The following ADAMTSL1 variants were observed in gnomAD, a reference collection of about 807,000 sequenced individuals.
ADAMTSL1 encodes the protein ADAMTS-like protein 1.
A neutral mutation model predicts 201.8 loss-of-function variants in ADAMTSL1; 126 were observed. The observed-to-expected ratio is 0.62, with a 90% CI of 0.54 to 0.72. The LOEUF (loss-of-function observed/expected upper bound fraction) is 0.72. Ranked by LOEUF, ADAMTSL1 falls within the 30% of genes least tolerant of loss-of-function variation. The probability of loss-of-function intolerance (pLI) is 0.00; values close to 1 mark genes in which losing one functional copy is unlikely to be tolerated. For synonymous variants in ADAMTSL1, 1,121 were observed against 903.4 expected (o/e 1.24, Z -4.32); for missense variants, 2,679 against 2,277.8 (o/e 1.18, Z -3.59).
intron 1 of ADAMTSL1, among the ~76,000 whole-genome samples, chr9:18,107,909 C>T (rs1346791299): frequency 6.6e-6 from 1 of 152,118 alleles, no homozygotes; most frequent in Non-Finnish European, 1.5e-5. Context: ...GTGCTGAGCC[C>T]TCCAGCACAG....
At chr9:18,285,579 T>G (rs906242366) in intron 2 of ADAMTSL1, among the ~76,000 whole-genome samples, 1 of 152,134 alleles carries the variant, frequency 6.6e-6, no homozygotes, top group African/African-American at 2.4e-5. Context: ...TACTTTCATT[T>G]CAAAATTTTC....
At chr9:18,732,669 T>G (rs1818280400) in intron 15 of ADAMTSL1, among the ~76,000 whole-genome samples, 1 of 151,770 alleles carries the variant, frequency 6.6e-6, no homozygotes, top group African/African-American at 2.4e-5. Flanking sequence ...TCCTCTAATG[T>G]TTGTGGGAGG....
At chr9:17,907,409 G>C (rs955273421) in intron 1 of ADAMTSL1, among the ~76,000 whole-genome samples, 5 of 152,176 alleles carry the variant, frequency 3.3e-5, no homozygotes, top group African/African-American at 1.2e-4. Context: ...TCACCCTAGG[G>C]CCGCCCGCAG....
intron 4 of ADAMTSL1, among the ~76,000 whole-genome samples, chr9:18,598,637 C>A (rs1423237062): frequency 6.6e-6 from 1 of 152,036 alleles, no homozygotes; most frequent in Non-Finnish European, 1.5e-5. Context: ...AAGTGGGAAA[C>A]TTCACCAACA....
intron 21 of ADAMTSL1, among the ~76,000 whole-genome samples, chr9:18,825,612 C>T (rs968233044): frequency 6.6e-6 from 1 of 152,062 alleles, no homozygotes; most frequent in Non-Finnish European, 1.5e-5. Flanking sequence ...CAGAAAAGTA[C>T]ATGTATCATA....
chr9:18,602,461 A>G (rs1448462942), intron 4 of ADAMTSL1, among the ~76,000 whole-genome samples: 1 of 152,242 alleles, frequency 6.6e-6, no homozygotes, highest in Non-Finnish European at 1.5e-5. Flanking sequence ...TGTCTTGCAC[A>G]GTACCAGCAC....
intron 1 of ADAMTSL1, among the ~76,000 whole-genome samples, chr9:17,921,082 C>A (rs528712109): frequency 6.6e-6 from 1 of 152,232 alleles, no homozygotes; most frequent in African/African-American, 2.4e-5. Context: ...TATGTGTTTG[C>A]TTTTTGTAAA....
At chr9:18,710,445 T>C (rs1200158826) in intron 14 of ADAMTSL1, among the ~76,000 whole-genome samples, 1 of 152,158 alleles carries the variant, frequency 6.6e-6, no homozygotes, top group Non-Finnish European at 1.5e-5. Flanking sequence ...TAGAGCCTTG[T>C]TTTAGAATAC....
chr9:18,300,280 C>T (rs1037788181), intron 2 of ADAMTSL1, among the ~76,000 whole-genome samples: 4 of 152,066 alleles, frequency 2.6e-5, no homozygotes, highest in Non-Finnish European at 4.4e-5. Flanking sequence ...ACTATGGAGC[C>T]ATAAAAAAGG....
intron 7 of ADAMTSL1, among the ~76,000 whole-genome samples, chr9:18,653,090 T>C (rs575599621): frequency 3.3e-5 from 5 of 152,366 alleles, no homozygotes; most frequent in Non-Finnish European, 7.3e-5. Flanking sequence ...CGTTTAGAAC[T>C]GAGCTAATCA....
At chr9:18,503,441 A>ATATATATATATATATATATATATG (rs1822953348) in intron 1 of ADAMTSL1, among the ~76,000 whole-genome samples, 2 of 146,090 alleles carry the variant, frequency 1.4e-5, no homozygotes, top group East Asian at 2.0e-4. Context: ...ATATATATAT[A>ATATATATATATATATATATATATG]CCACATTTTG....
At chr9:18,894,032 T>A (rs1319790636) in intron 26 of ADAMTSL1, among the ~76,000 whole-genome samples, 3 of 152,166 alleles carry the variant, frequency 2.0e-5, no homozygotes, top group Non-Finnish European at 4.4e-5. Flanking sequence ...GCCCACAATA[T>A]TTGCAGGAGA....
At chr9:17,996,202 A>G (rs1355386082) in intron 1 of ADAMTSL1, among the ~76,000 whole-genome samples, 4 of 151,130 alleles carry the variant, frequency 2.6e-5, no homozygotes, top group African/African-American at 2.4e-5. Flanking sequence ...AGCTCCCATC[A>G]TCTGTAGTTT....
intron 7 of ADAMTSL1, among the ~76,000 whole-genome samples, chr9:18,647,010 A>C (rs199893635): frequency 6.6e-6 from 1 of 152,088 alleles, no homozygotes; most frequent in Non-Finnish European, 1.5e-5. Context: ...CTGTGAATCC[A>C]TCTGGTCCTG....
intron 1 of ADAMTSL1, among the ~76,000 whole-genome samples, chr9:18,502,398 C>G (rs775794451): frequency 1.3e-4 from 20 of 152,180 alleles, no homozygotes; most frequent in Non-Finnish European, 2.8e-4. Context: ...GTCAGCAATC[C>G]TATCTTCTAT....
intron 3 of ADAMTSL1, among the ~76,000 whole-genome samples, chr9:18,547,853 C>T (rs996498100): frequency 1.6e-4 from 24 of 151,564 alleles, no homozygotes; most frequent in Non-Finnish European, 2.7e-4. Flanking sequence ...GACCGGGGGC[C>T]ATGTGAACCG....
intron 2 of ADAMTSL1, among the ~76,000 whole-genome samples, chr9:18,291,567 G>A (rs568654965): frequency 6.6e-6 from 1 of 152,030 alleles, no homozygotes; most frequent in African/African-American, 2.4e-5. Flanking sequence ...ATTGCCTTAT[G>A]TAGACTCCCT....
intron 9 of ADAMTSL1, among the ~76,000 whole-genome samples, chr9:18,664,315 A>G (rs920792062): frequency 1.3e-5 from 2 of 152,092 alleles, no homozygotes; most frequent in African/African-American, 4.8e-5. Context: ...AGAAAATTAG[A>G]TAGAATAGAC....
intron 3 of ADAMTSL1, among the ~76,000 whole-genome samples, chr9:18,558,100 G>C (rs1821217910): frequency 6.6e-6 from 1 of 152,022 alleles, no homozygotes; most frequent in Admixed American, 6.6e-5. Flanking sequence ...ATGGTGGTTT[G>C]CTGCACCCAT....
Sources: allele counts gnomAD v4.1 joint callset (sites outside exome capture counted in the v4.1 genomes callset), GRCh38; gene constraint gnomAD v4.1.1; transcripts MANE v1.5; gene names NCBI Gene and HGNC (gene_info 2026-07-23, HGNC 2026-07-21).